The following CUX2 variants were observed in gnomAD, a reference collection of about 807,000 sequenced individuals.
CUX2 encodes homeobox protein cut-like 2.
A neutral mutation model predicts 144.8 loss-of-function variants in CUX2; 40 were observed. That is an observed-to-expected ratio of 0.28 (90% CI 0.21 to 0.36). CUX2 has a LOEUF of 0.36. CUX2 is among the 10% of genes least tolerant of loss of function. CUX2 has a pLI of 1.00. For synonymous variants in CUX2, 827 were observed against 875.6 expected (o/e 0.94, Z 0.98); for missense variants, 1,615 against 1,994.0 (o/e 0.81, Z 3.62).
Position 111,322,283 on chromosome 12 carries a change from A to T in CUX2, c.2767-138A>T. The T allele has an allele frequency of 1.1e-6, 1 of 923,690 alleles. No homozygotes were observed. Among genetic ancestry groups the T allele is most frequent in the Non-Finnish European group, 1.6e-6 (1 of 644,806 alleles). 57.2% of individuals were successfully genotyped at this position (923,690 alleles called of 1,614,324 possible). A position where few individuals can be genotyped will look rare whatever the true frequency, so the allele number is the denominator to read the frequency against. On this transcript the variant is annotated intron_variant, in intron 17 of 21. Transcript: ENST00000261726. This position sits in a 1 kb window ranked among gnomAD's most constrained non-coding sequence, Gnocchi z 4.2. ...CAGTGAGCTGAGATGGTGCCACTGC[A>T]CTCCATCCTGGGCGACAGACAAAGC...
chr12:111,036,600 C>G (rs941123763), intron 1 of CUX2, among the ~76,000 whole-genome samples: 27 of 151,184 alleles, frequency 1.8e-4, no homozygotes, highest in Non-Finnish European at 3.2e-4. Flanking sequence ...AGATAGGACC[C>G]AGACCTCCCA....
At chr12:111,080,158 A>G (rs1871800314) in intron 1 of CUX2, among the ~76,000 whole-genome samples, 1 of 152,016 alleles carries the variant, frequency 6.6e-6, no homozygotes, top group African/African-American at 2.4e-5. Flanking sequence ...TGCCCACGGC[A>G]GCCTGCCCTG....
chr12:111,102,235 G>A (rs1389710521), intron 1 of CUX2, among the ~76,000 whole-genome samples: 2 of 152,196 alleles, frequency 1.3e-5, no homozygotes, highest in African/African-American at 4.8e-5. Context: ...CTCCTCCAAC[G>A]GTCTGGTGAG....
At chr12:111,072,078 A>G (rs766248110) in intron 1 of CUX2, among the ~76,000 whole-genome samples, 78 of 152,234 alleles carry the variant, frequency 5.1e-4, no homozygotes, top group Non-Finnish European at 8.2e-4. Context: ...TCTCTTTCAT[A>G]TTATGTTGGC....
At chr12:111,281,523 G>A (rs116774086) in intron 4 of CUX2, among the ~76,000 whole-genome samples, 1,780 of 152,292 alleles carry the variant, frequency 0.012, 20 homozygotes, top group East Asian at 0.038. Context: ...CTGGGAAGTC[G>A]GCTGCACAAA....
chr12:111,156,463 C>T (rs1286737224), intron 1 of CUX2, among the ~76,000 whole-genome samples: 3 of 152,172 alleles, frequency 2.0e-5, no homozygotes, highest in African/African-American at 4.8e-5. Flanking sequence ...TTCAGCCATC[C>T]TGGTGACTCA....
intron 21 of CUX2, 89 bp from the exon 22 acceptor site, chr12:111,347,435 G>A: frequency 7.8e-7 from 1 of 1,274,630 alleles, no homozygotes; most frequent in Non-Finnish European, 1.1e-6. Flanking sequence ...CAGGGCAGTG[G>A]GTGGGACCAA....
chr12:111,071,677 A>G (rs962165272), intron 1 of CUX2, among the ~76,000 whole-genome samples: 2 of 152,172 alleles, frequency 1.3e-5, no homozygotes, highest in Admixed American at 6.5e-5. Flanking sequence ...GTCAACACCA[A>G]ACCCAAGGTC....
chr12:111,228,912 G>T (rs1358747998), intron 3 of CUX2, among the ~76,000 whole-genome samples: 1 of 152,076 alleles, frequency 6.6e-6, no homozygotes, highest in Non-Finnish European at 1.5e-5. Flanking sequence ...AATGGTCCTT[G>T]CAAGCCACTG....
intron 1 of CUX2, among the ~76,000 whole-genome samples, chr12:111,050,969 G>A (rs968281012): frequency 6.6e-6 from 1 of 152,172 alleles, no homozygotes; most frequent in African/African-American, 2.4e-5. Flanking sequence ...TAACAGCAGT[G>A]TATTGTGTAT....
At position 111,039,222 on chromosome 12, in the gene CUX2, AC is replaced by A. The variant is rs975233364; in HGVS notation, c.63+4983del. Among the ~76,000 whole-genome samples, 9 of 151,806 alleles carry A rather than the reference AC, an allele frequency of 5.9e-5. No homozygotes were observed. Among genetic ancestry groups the A allele is most frequent in the African/African-American group, 2.2e-4 (9 of 41,328 alleles). ...GGCAGAGGTGAAGCATTGGAAGGGG[AC>A]TCAGGTGGTGACCTGCCTTTGTTCC... On this transcript the variant is annotated intron_variant, in intron 1 of 21. Coordinates refer to ENST00000261726, the MANE Select transcript of CUX2 (RefSeq NM_015267.4). The surrounding 1 kb of genome is among the most constrained non-coding windows in gnomAD (Gnocchi z 4.2).
intron 1 of CUX2, among the ~76,000 whole-genome samples, chr12:111,073,562 ATTCT>A (rs1288530467): frequency 6.6e-6 from 1 of 152,086 alleles, no homozygotes; most frequent in Non-Finnish European, 1.5e-5. Flanking sequence ...GGGCCAGAGA[ATTCT>A]TTGTTGTGGG....
At chr12:111,298,426 G>A in intron 8 of CUX2, 115 bp from the exon 9 acceptor site, 1 of 1,066,568 alleles carries the variant, frequency 9.4e-7, no homozygotes, top group Non-Finnish European at 1.4e-6. Flanking sequence ...TTTCTCTCCT[G>A]TAGCAAGGCC....
intron 1 of CUX2, among the ~76,000 whole-genome samples, chr12:111,191,283 A>G (rs917727217): frequency 2.0e-5 from 3 of 151,538 alleles, no homozygotes; most frequent in Non-Finnish European, 4.4e-5. Context: ...GCTGTCTACC[A>G]CTATTATTGT....
intron 3 of CUX2, among the ~76,000 whole-genome samples, chr12:111,261,894 G>T (rs993666043): frequency 1.3e-5 from 2 of 152,126 alleles, no homozygotes; most frequent in African/African-American, 4.8e-5. Flanking sequence ...AACAGAGAAA[G>T]ACTCTGTCTC....
At chr12:111,062,488 T>C (rs1870825525) in intron 1 of CUX2, among the ~76,000 whole-genome samples, 1 of 152,188 alleles carries the variant, frequency 6.6e-6, no homozygotes, top group Non-Finnish European at 1.5e-5. Flanking sequence ...GGGAGACGGC[T>C]CGAGCGAGGG....
chr12:111,095,958 A>G (rs1188200225), intron 1 of CUX2, among the ~76,000 whole-genome samples: 1 of 152,184 alleles, frequency 6.6e-6, no homozygotes, highest in East Asian at 1.9e-4. Context: ...TGCTCCGTGC[A>G]GGAGCAGTGA....
At chr12:111,226,207 G>C (rs990616285) in intron 3 of CUX2, among the ~76,000 whole-genome samples, 2 of 152,186 alleles carry the variant, frequency 1.3e-5, no homozygotes, top group Non-Finnish European at 2.9e-5. Flanking sequence ...GCCTCCCAAA[G>C]TGCTGGGATT....
intron 3 of CUX2, among the ~76,000 whole-genome samples, chr12:111,251,089 G>A (rs778525412): frequency 3.3e-5 from 5 of 152,104 alleles, no homozygotes; most frequent in Admixed American, 6.5e-5. Context: ...AGGAGCCCTC[G>A]GAAGAGAAGA....
Sources: allele counts gnomAD v4.1 joint callset (sites outside exome capture counted in the v4.1 genomes callset), GRCh38; gene constraint gnomAD v4.1.1; non-coding constraint Gnocchi (gnomAD v3.1); transcripts MANE v1.5; gene names NCBI Gene and HGNC (gene_info 2026-07-23, HGNC 2026-07-21).